The following HIBADH variants were observed in gnomAD, a reference collection of about 807,000 sequenced individuals.
HIBADH encodes 3-hydroxyisobutyrate dehydrogenase.
In HIBADH, 25 loss-of-function variants were observed where a neutral mutation model predicts 36.1. The observed-to-expected ratio is 0.69, with a 90% CI of 0.50 to 0.97. The LOEUF (loss-of-function observed/expected upper bound fraction) is 0.97, where lower values mean the gene tolerates loss of function less well. HIBADH is among the 50% of genes least tolerant of loss of function. HIBADH has a pLI of 0.00. For synonymous variants in HIBADH, 160 were observed against 149.5 expected, an observed-to-expected ratio of 1.07 and a Z score of -0.51; for missense variants, 421 against 418.0, an observed-to-expected ratio of 1.01 and a Z score of -0.06.
intron 4 of HIBADH, among the ~76,000 whole-genome samples, chr7:27,611,372 G>T (rs1274148856): frequency 1.3e-5 from 2 of 152,120 alleles, no homozygotes. Context: ...ACAGTATTTG[G>T]TCATTAGTCA....
intron 4 of HIBADH, among the ~76,000 whole-genome samples, chr7:27,623,939 A>C (rs1466671461): frequency 6.6e-6 from 1 of 152,204 alleles, no homozygotes; most frequent in East Asian, 1.9e-4. Flanking sequence ...CTGGGACAAC[A>C]GGCGCATGCC....
rs189530769 is a variant in HIBADH at position 27,647,423 on chromosome 7, G to A, written c.252+2050C>T. Among the ~76,000 whole-genome samples, 22 of 152,280 alleles carry A rather than the reference G, an allele frequency of 1.4e-4. No homozygotes were observed. The East Asian group carries it at 1.9e-3, about 13-fold the overall frequency. On this transcript the variant is annotated intron_variant, in intron 2 of 7. Transcript: ENST00000265395. ...AACTGAAATCGTAGAAAGTGAAACT[G>A]CAGATAATAAGAACCACTATATAAC...
intron 2 of HIBADH, among the ~76,000 whole-genome samples, chr7:27,633,465 C>G (rs1019359323): frequency 6.6e-6 from 1 of 152,116 alleles, no homozygotes; most frequent in Non-Finnish European, 1.5e-5. Flanking sequence ...GGAGACCAGT[C>G]TGGGTAACAC....
At chr7:27,647,479 T>C (rs1164024012) in intron 2 of HIBADH, among the ~76,000 whole-genome samples, 4 of 152,240 alleles carry the variant, frequency 2.6e-5, no homozygotes, top group Admixed American at 6.5e-5. Context: ...TCTCCAAGCA[T>C]TGGCTTCTTG....
intron 4 of HIBADH, among the ~76,000 whole-genome samples, chr7:27,595,280 G>A (rs897223447): frequency 1.6e-4 from 25 of 152,194 alleles, no homozygotes; most frequent in African/African-American, 5.3e-4. Flanking sequence ...ACTGTGGGAG[G>A]CTGAAGTGGG....
At chr7:27,620,665 C>G (rs1179934220) in intron 4 of HIBADH, among the ~76,000 whole-genome samples, 1 of 152,018 alleles carries the variant, frequency 6.6e-6, no homozygotes, top group Non-Finnish European at 1.5e-5. Context: ...AGTCCTAAAC[C>G]TGGAAGCAAA....
chr7:27,529,197 G>C (rs1322210900), intron 7 of HIBADH, among the ~76,000 whole-genome samples: 1 of 152,184 alleles, frequency 6.6e-6, no homozygotes, highest in Non-Finnish European at 1.5e-5. Flanking sequence ...TGTACAGGGA[G>C]ATTAATGTTG....
At chr7:27,528,775 G>T (rs1191020179) in intron 7 of HIBADH, among the ~76,000 whole-genome samples, 1 of 152,218 alleles carries the variant, frequency 6.6e-6, no homozygotes, top group Non-Finnish European at 1.5e-5. Flanking sequence ...ACTGATGAGG[G>T]TAGCCACACT....
At chr7:27,558,575 C>A (rs75673287) in intron 4 of HIBADH, among the ~76,000 whole-genome samples, 1 of 152,040 alleles carries the variant, frequency 6.6e-6, no homozygotes. Context: ...AATCCACCTG[C>A]GGTCCCAGCT....
intron 2 of HIBADH, among the ~76,000 whole-genome samples, chr7:27,635,748 G>A (rs976442145): frequency 6.6e-6 from 1 of 152,194 alleles, no homozygotes; most frequent in Admixed American, 6.5e-5. Context: ...CATTGGCCTG[G>A]CTGACTCTGG....
intron 4 of HIBADH, among the ~76,000 whole-genome samples, chr7:27,595,573 A>G (rs1785018998): frequency 7.9e-6 from 1 of 126,198 alleles, no homozygotes; most frequent in African/African-American, 3.0e-5. Flanking sequence ...AATTTCCATA[A>G]GGGCAGGTGT....
At chr7:27,587,353 CA>C (rs1784880547) in intron 4 of HIBADH, among the ~76,000 whole-genome samples, 1 of 152,056 alleles carries the variant, frequency 6.6e-6, no homozygotes, top group Admixed American at 6.5e-5. Context: ...GCAGATTCCC[CA>C]CACTTGACAG....
At position 27,554,692 on chromosome 7, in the gene HIBADH, A is replaced by G. The variant is rs537781857; in HGVS notation, c.485-11592T>C. On this transcript the variant is annotated intron_variant, in intron 4 of 7. Coordinates refer to ENST00000265395, the MANE Select transcript of HIBADH (RefSeq NM_152740.4). ...ATGGCTGTCAGAGGAGAGAGGGAAGAGAGTAAGAAGAAATAAGCAAAAGGC... is the reference window on the plus strand; with the variant it reads ...ATGGCTGTCAGAGGAGAGAGGGAAGGGAGTAAGAAGAAATAAGCAAAAGGC... Among the ~76,000 whole-genome samples the G allele has an allele frequency of 1.8e-3, 278 of 152,322 alleles. 1 individual carries two copies. Among genetic ancestry groups the G allele is most frequent in the Admixed American group, 3.9e-3 (60 of 15,308 alleles).
At chr7:27,633,023 C>G (rs1328807852) in intron 2 of HIBADH, among the ~76,000 whole-genome samples, 1 of 152,136 alleles carries the variant, frequency 6.6e-6, no homozygotes, top group Non-Finnish European at 1.5e-5. Flanking sequence ...ACACTTACTA[C>G]AATGACTGCA....
At chr7:27,646,461 G>A (rs552321257) in intron 2 of HIBADH, among the ~76,000 whole-genome samples, 280 of 152,220 alleles carry the variant, frequency 1.8e-3, no homozygotes, top group Non-Finnish European at 3.3e-3. Context: ...GACTCCCAGT[G>A]GATGCCTGAA....
At chr7:27,632,975 T>C (rs1347037753) in intron 2 of HIBADH, among the ~76,000 whole-genome samples, 2 of 150,958 alleles carry the variant, frequency 1.3e-5, no homozygotes, top group Non-Finnish European at 1.5e-5. Flanking sequence ...AAAAGAAAAG[T>C]CTGTTTCAGA....
intron 7 of HIBADH, among the ~76,000 whole-genome samples, chr7:27,527,694 A>G (rs571845317): frequency 1.1e-3 from 164 of 151,722 alleles, no homozygotes; most frequent in African/African-American, 3.8e-3. Flanking sequence ...TAATTCTCAC[A>G]ATATTTCAAA....
intron 5 of HIBADH, among the ~76,000 whole-genome samples, chr7:27,541,570 T>C (rs1784151913): frequency 1.3e-5 from 2 of 152,198 alleles, no homozygotes; most frequent in Admixed American, 6.5e-5. Flanking sequence ...GGTCCTTACA[T>C]TGGATTTGTT....
At chr7:27,546,002 ATTAT>A (rs1314703673) in intron 4 of HIBADH, among the ~76,000 whole-genome samples, 2 of 152,230 alleles carry the variant, frequency 1.3e-5, no homozygotes, top group Non-Finnish European at 2.9e-5. Context: ...TGTGTGACAA[ATTAT>A]TTAACTTCTG....
Sources: gnomAD v4.1 joint callset for allele counts (sites outside exome capture counted in the v4.1 genomes callset) on GRCh38, gnomAD v4.1.1 for gene constraint, MANE v1.5 for transcripts, NCBI Gene and HGNC (gene_info 2026-07-23, HGNC 2026-07-21) for gene names.